The following UNC13C variants were observed in gnomAD, a reference collection of about 807,000 sequenced individuals.
UNC13C encodes unc-13 homolog C.
In UNC13C, 174 loss-of-function variants were observed where a neutral mutation model predicts 245.4. The ratio of observed to expected loss-of-function variants is 0.71; its 90% CI spans 0.63 to 0.80. The LOEUF (loss-of-function observed/expected upper bound fraction) is 0.80, where lower values mean the gene tolerates loss of function less well. Ranked by LOEUF, UNC13C falls within the 30% of genes least tolerant of loss-of-function variation. The probability of loss-of-function intolerance (pLI) is 0.00; values close to 1 mark genes in which losing one functional copy is unlikely to be tolerated. For missense variants in UNC13C, 2,829 were observed against 2,602.9 expected (o/e 1.09, Z -1.89); for synonymous variants, 992 against 895.1 (o/e 1.11, Z -1.93).
At chr15:54,433,746 C>T (rs141094105) in intron 19 of UNC13C, among the ~76,000 whole-genome samples, 108 of 151,660 alleles carry the variant, frequency 7.1e-4, no homozygotes, top group African/African-American at 2.3e-3. Flanking sequence ...CAATCAGATA[C>T]GAGAAAGAAA....
rs184812530 is a variant in UNC13C at position 54,624,167 on chromosome 15, A to G, written c.6359+213A>G. ...TATATCATAGGAGGTGTCTGAATCA[A>G]TCTTTTGCAGTGCACTCATATAAGT... is the stretch of plus-strand genomic sequence containing the variant. On this transcript the variant is annotated intron_variant, in intron 32 of 32. Coordinates refer to ENST00000260323, the MANE Select transcript of UNC13C (RefSeq NM_001080534.3). 2.2e-4 allele frequency among the ~76,000 whole-genome samples: 34 copies of G among 152,274 alleles called. 1 individual carries two copies. The East Asian group carries it at 5.6e-3, about 25-fold the overall frequency.
intron 14 of UNC13C, among the ~76,000 whole-genome samples, chr15:54,323,444 T>C (rs2038218387): frequency 6.6e-6 from 1 of 152,028 alleles, no homozygotes; most frequent in Non-Finnish European, 1.5e-5. Context: ...AAGCCTCAGT[T>C]CCTCAACATG....
intron 4 of UNC13C, 150 bp downstream of exon 4, chr15:54,143,834 T>C: frequency 1.8e-6 from 1 of 548,102 alleles, no homozygotes; most frequent in Admixed American, 3.3e-5. Context: ...TATAGTGTTT[T>C]CTTAAAAAAA....
chr15:54,562,280 C>A (rs115229828), intron 29 of UNC13C, among the ~76,000 whole-genome samples: 2,128 of 152,132 alleles, frequency 0.014, 50 homozygotes, highest in African/African-American at 0.049. Context: ...ATGGATATTT[C>A]TGCTACCATT....
intron 2 of UNC13C, among the ~76,000 whole-genome samples, chr15:54,069,555 A>G (rs534854894): frequency 1.3e-5 from 2 of 152,274 alleles, no homozygotes; most frequent in South Asian, 4.1e-4. Flanking sequence ...TCATGGCTCT[A>G]TGCTTGGCCA....
At chr15:53,946,675 T>G in the UNC13C span, among the ~76,000 whole-genome samples, 1 of 56,668 alleles carries the variant, frequency 1.8e-5, no homozygotes, top group East Asian at 3.9e-4. Flanking sequence ...GAGCTGAGGT[T>G]TTTTTTTTTT....
the UNC13C span, among the ~76,000 whole-genome samples, chr15:53,874,298 ACAACC>A: frequency 2.6e-5 from 4 of 152,124 alleles, no homozygotes; most frequent in Non-Finnish European, 4.4e-5. Flanking sequence ...AATCCCCCTA[ACAACC>A]CAATGCAATG....
intron 19 of UNC13C, among the ~76,000 whole-genome samples, chr15:54,423,377 T>C (rs1274480784): frequency 6.6e-6 from 1 of 151,830 alleles, no homozygotes; most frequent in Non-Finnish European, 1.5e-5. Context: ...ATTTTAGATA[T>C]ATTCAGATAT....
the UNC13C span, among the ~76,000 whole-genome samples, chr15:53,955,544 A>G: frequency 6.6e-6 from 1 of 152,216 alleles, no homozygotes; most frequent in South Asian, 2.1e-4. Flanking sequence ...AAACACAATG[A>G]AAGTGACAGG....
rs193061726 is a variant in UNC13C, at chr15:54,111,225, C to T, written c.2984-31793C>T. Among the ~76,000 whole-genome samples the T allele has an allele frequency of 2.8e-3, 420 of 152,264 alleles. 1 individual carries two copies. The highest frequency in any genetic ancestry group is 4.4e-3 in the Non-Finnish European group (296 of 68,020). ...ACATCAAAGGCTCCCATATGTCTTC[C>T]TTAGTGGCTTCCCATAATGCTGAGA... On this transcript the variant is annotated intron_variant, in intron 2 of 32. Transcript: ENST00000260323.
chr15:54,327,415 G>A (rs543238159), intron 14 of UNC13C, among the ~76,000 whole-genome samples: 40 of 151,362 alleles, frequency 2.6e-4, no homozygotes, highest in Non-Finnish European at 5.2e-4. Context: ...TAGCTGAGTT[G>A]ACATATTTTT....
chr15:54,396,079 CTCTG>C (rs145291100), intron 18 of UNC13C, among the ~76,000 whole-genome samples: 7,038 of 151,582 alleles, frequency 0.046, 524 homozygotes, highest in African/African-American at 0.16. Context: ...CTTTTTCTTT[CTCTG>C]TCTTTCTAAC....
Position 54,013,406 on chromosome 15 carries a change from A to G in UNC13C, c.503A>G (p.Asp168Gly). Reference sequence around the variant, plus strand: ...CTTGCACCCTCTGAGGGCAGCTCTGACGGGGAGCGTACTCTACATGGCTTA... The same window carrying G: ...CTTGCACCCTCTGAGGGCAGCTCTGGCGGGGAGCGTACTCTACATGGCTTA... ...SSLAPSEGSS[D>G]GERTLHGLKL... The change falls in exon 2 of 33, where the codon GAC (aspartate) becomes GGC (glycine). Residue 168 changes from aspartate to glycine, a missense_variant. Physicochemically the swap from Asp to Gly is moderately conservative, Grantham distance 94 (BLOSUM62 -1). Transcript: ENST00000260323. 6.2e-7 allele frequency: 1 copy of G among 1,613,908 alleles called. No homozygotes were observed. Among genetic ancestry groups the G allele is most frequent in the Non-Finnish European group, 8.5e-7 (1 of 1,179,884 alleles).
chr15:54,400,240 C>T (rs1403680257), intron 18 of UNC13C, among the ~76,000 whole-genome samples: 2 of 151,932 alleles, frequency 1.3e-5, no homozygotes, highest in African/African-American at 4.8e-5. Flanking sequence ...TAATCAAATG[C>T]TCCTGATTTT....
intron 19 of UNC13C, among the ~76,000 whole-genome samples, chr15:54,443,946 A>C (rs1200234064): frequency 6.6e-6 from 1 of 152,032 alleles, no homozygotes. Context: ...GTTTAATTTC[A>C]AAGTGTATTT....
chr15:54,607,761 G>C (rs1482517382), intron 30 of UNC13C, among the ~76,000 whole-genome samples: 1 of 152,046 alleles, frequency 6.6e-6, no homozygotes, highest in African/African-American at 2.4e-5. Context: ...AGGGGGAGGT[G>C]CTACACACTT....
intron 2 of UNC13C, among the ~76,000 whole-genome samples, chr15:54,105,323 C>T (rs544036929): frequency 1.3e-5 from 2 of 152,218 alleles, no homozygotes; most frequent in East Asian, 1.9e-4. Flanking sequence ...GTCAATTATT[C>T]TCTTGCTTTC....
chr15:53,842,814 T>C, the UNC13C span, among the ~76,000 whole-genome samples: 1 of 151,722 alleles, frequency 6.6e-6, no homozygotes, highest in African/African-American at 2.4e-5. Flanking sequence ...CTTAAGCCAA[T>C]TTGAATTTGG....
At chr15:54,008,646 C>T (rs1486153009) in intron 1 of UNC13C, among the ~76,000 whole-genome samples, 1 of 152,104 alleles carries the variant, frequency 6.6e-6, no homozygotes, top group East Asian at 1.9e-4. Context: ...GTTCACCCTC[C>T]AGCTACCTCT....
Sources: allele counts gnomAD v4.1 joint callset (sites outside exome capture counted in the v4.1 genomes callset), GRCh38; gene constraint gnomAD v4.1.1; transcripts MANE v1.5; gene names NCBI Gene and HGNC (gene_info 2026-07-23, HGNC 2026-07-21).